The following FRYL variants were observed in gnomAD, a reference collection of about 807,000 sequenced individuals.
FRYL encodes protein furry homolog-like.
A neutral mutation model predicts 351.2 loss-of-function variants in FRYL; 150 were observed. That is an observed-to-expected ratio of 0.43 (90% confidence interval 0.37 to 0.49). The LOEUF (loss-of-function observed/expected upper bound fraction) is 0.49. Among genes scored for constraint, FRYL ranks in the 20% least tolerant of loss-of-function variants. The probability of loss-of-function intolerance (pLI) is 0.00; values close to 1 mark genes in which losing one functional copy is unlikely to be tolerated. For missense variants in FRYL, 3,036 were observed against 3,619.3 expected (o/e 0.84, Z 4.13); for synonymous variants, 1,153 against 1,257.1 (o/e 0.92, Z 1.75).
chr4:48,658,584 CAAAA>C (rs11388062), intron 3 of FRYL, among the ~76,000 whole-genome samples: 2 of 95,894 alleles, frequency 2.1e-5, no homozygotes, highest in African/African-American at 8.3e-5. Context: ...CAAAAAAATA[CAAAA>C]AAAAAAAAAA....
intron 1 of FRYL, among the ~76,000 whole-genome samples, 191 bp downstream of exon 1, chr4:48,779,887 C>T (rs922958852): frequency 6.6e-6 from 1 of 151,702 alleles, no homozygotes; most frequent in Non-Finnish European, 1.5e-5. Flanking sequence ...AGCGCCGGCC[C>T]GGGCCGCGCC....
chr4:48,499,544 C>T lies in FRYL; in HGVS notation c.8920G>A (p.Glu2974Lys), dbSNP rs569728266. 1.2e-5 allele frequency: 20 copies of T among 1,614,104 alleles called. No individual in the cohort carries two copies. The South Asian group carries it at 1.8e-4, about 14-fold the overall frequency. ...AGTTCCATCAGTTTGTAGTTGGCTT[C>T]TGACATGTCCAGGTTAGAGCCTATA... ...AVIGSNLDMS[E>K]ANYKLMELNL... The change falls in exon 64 of 64, where the codon GAA becomes AAA. Residue 2974 changes from glutamate (E) to lysine (K), a missense_variant. Around this residue, in one of 7 missense-constraint regions of FRYL, gnomAD observed 1,987 missense variants for 2,311.7 expected, o/e 0.86. Transcript: ENST00000358350.
intron 1 of FRYL, among the ~76,000 whole-genome samples, chr4:48,742,689 T>C (rs1442824916): frequency 1.3e-5 from 2 of 152,172 alleles, no homozygotes; most frequent in African/African-American, 4.8e-5. Flanking sequence ...TCAGGTACCA[T>C]CACTAGCCCC....
chr4:48,758,500 T>A (rs1774047938), intron 1 of FRYL, among the ~76,000 whole-genome samples: 1 of 152,184 alleles, frequency 6.6e-6, no homozygotes, highest in Admixed American at 6.5e-5. Context: ...TTACTGGCCA[T>A]CAGAGAAATG....
At chr4:48,699,055 G>C (rs1199369880) in intron 2 of FRYL, among the ~76,000 whole-genome samples, 2 of 152,038 alleles carry the variant, frequency 1.3e-5, no homozygotes, top group Non-Finnish European at 2.9e-5. Flanking sequence ...CATAATTTCA[G>C]TAAATGTTCA....
rs1397894867 is a variant in FRYL, at chr4:48,515,283, ACAAT to A, written c.7690-12_7690-9del. On this transcript the variant is annotated splice_polypyrimidine_tract_variant and intron_variant, in intron 55 of 63. Transcript: ENST00000358350. ...TAATACTGAAGTTGTATCCTACAAA[ACAAT>A]CATAGTTTTAGTGAACTATAAACAC... 1 of 1,588,280 alleles carries A rather than the reference ACAAT, an allele frequency of 6.3e-7. No individual in the cohort carries two copies. The highest frequency in any genetic ancestry group is 8.6e-7 in the Non-Finnish European group (1 of 1,164,464).
chr4:48,706,942 T>C (rs1315470645), intron 2 of FRYL, among the ~76,000 whole-genome samples: 4 of 152,138 alleles, frequency 2.6e-5, no homozygotes, highest in Admixed American at 6.6e-5. Flanking sequence ...TGTGGGATGA[T>C]TGCAGCCCCA....
chr4:48,700,340 A>G (rs1766597953), intron 2 of FRYL, among the ~76,000 whole-genome samples: 1 of 152,192 alleles, frequency 6.6e-6, no homozygotes, highest in Non-Finnish European at 1.5e-5. Context: ...ACACTGGGTC[A>G]TTTCTCCCAC....
chr4:48,504,876 C>T (rs911800905), intron 60 of FRYL, among the ~76,000 whole-genome samples: 8 of 152,036 alleles, frequency 5.3e-5, no homozygotes, highest in African/African-American at 1.7e-4. Flanking sequence ...ATAACCTTTA[C>T]AGACACTAGA....
intron 2 of FRYL, among the ~76,000 whole-genome samples, chr4:48,709,917 G>C (rs1400626280): frequency 3.7e-4 from 57 of 152,052 alleles, no homozygotes; most frequent in Admixed American, 1.0e-3. Context: ...TGGTCGACTG[G>C]CTCAAAATGA....
At chr4:48,770,657 G>A (rs1775419771) in intron 1 of FRYL, among the ~76,000 whole-genome samples, 1 of 151,944 alleles carries the variant, frequency 6.6e-6, no homozygotes, top group African/African-American at 2.4e-5. Flanking sequence ...AGCTGGTCTC[G>A]AACTCGCAAC....
intron 1 of FRYL, among the ~76,000 whole-genome samples, chr4:48,746,784 A>G (rs1772727319): frequency 6.6e-6 from 1 of 152,122 alleles, no homozygotes; most frequent in Non-Finnish European, 1.5e-5. Context: ...GAGGCCACAC[A>G]CCATGTAGAG....
chr4:48,555,829 T>TGA (rs1190791394), intron 35 of FRYL, among the ~76,000 whole-genome samples: 3 of 152,392 alleles, frequency 2.0e-5, no homozygotes, highest in South Asian at 4.1e-4. Context: ...TGGGGAATGC[T>TGA]GAGTAAAGCA....
At chr4:48,589,646 G>A in intron 18 of FRYL, 99 bp downstream of exon 18, 1 of 1,101,320 alleles carries the variant, frequency 9.1e-7, no homozygotes, top group South Asian at 1.5e-5. Context: ...AAACATGGAA[G>A]AACTCCAAAG....
intron 1 of FRYL, among the ~76,000 whole-genome samples, chr4:48,723,825 C>T (rs557433971): frequency 2.0e-5 from 3 of 151,850 alleles, no homozygotes; most frequent in South Asian, 4.2e-4. Flanking sequence ...GTAGCTCACA[C>T]CTGTAATCAC....
chr4:48,536,522 T>C (rs1363950624), intron 47 of FRYL, among the ~76,000 whole-genome samples: 1 of 152,160 alleles, frequency 6.6e-6, no homozygotes, highest in Non-Finnish European at 1.5e-5. Flanking sequence ...AACCAACTAA[T>C]GTTTGGGGGG....
In FRYL at chr4:48,578,981, G is replaced by T; in HGVS notation, c.2520C>A (p.Val840=). 1.2e-6 allele frequency: 2 copies of T among 1,603,920 alleles called. No homozygotes were observed. The highest frequency in any genetic ancestry group is 1.7e-6 in the Non-Finnish European group (2 of 1,176,020). ...CTAGGAAAATAACTTACTTTATATC[G>T]ACCTGAGGGGACAACAACTGAAGTC... ...YTRLQLLSPQ[V]DINSPINAKK... The change falls in exon 23 of 64, where the codon GTC becomes GTA. Residue 840 remains valine (V), a synonymous_variant. Transcript: ENST00000358350.
rs1408930092 is a variant in FRYL, at chr4:48,500,166, C to T, written c.8647G>A (p.Glu2883Lys). The change falls in exon 63 of 64, where the codon GAG becomes AAG. Residue 2883 changes from glutamate to lysine, a missense_variant. Around this residue, in one of 7 missense-constraint regions of FRYL, gnomAD observed 1,987 missense variants for 2,311.7 expected, o/e 0.86. Coordinates refer to ENST00000358350, the MANE Select transcript of FRYL (RefSeq NM_015030.2). ...ATTTCTTCGTTTTCGGAAGCGGACT[C>T]AGCTTCTTTGAGGATACTTTCCAGT... ...AQLESILKEA[E>K]SASENEEIDI... The T allele has an allele frequency of 2.5e-6, 4 of 1,605,414 alleles. No homozygotes were observed.
intron 1 of FRYL, among the ~76,000 whole-genome samples, chr4:48,779,785 G>A (rs1002264059): frequency 1.3e-5 from 2 of 151,902 alleles, no homozygotes; most frequent in African/African-American, 4.8e-5. Flanking sequence ...GTGCGGGAGA[G>A]ACGGGCGCGC....
Sources: gnomAD v4.1 joint callset for allele counts (sites outside exome capture counted in the v4.1 genomes callset) on GRCh38, gnomAD v4.1.1 for gene constraint, gnomAD v4.1.1 regional missense constraint, MANE v1.5 for transcripts, NCBI Gene and HGNC (gene_info 2026-07-23, HGNC 2026-07-21) for gene names.